Variants in IGF2BP2 observed in about 807,000 individuals in gnomAD.
IGF2BP2 encodes insulin like growth factor 2 mRNA binding protein 2.
In IGF2BP2, 17 loss-of-function variants were observed where a neutral mutation model predicts 75.8. The observed-to-expected ratio is 0.22, with a 90% CI of 0.15 to 0.34. The LOEUF (loss-of-function observed/expected upper bound fraction) is 0.34. Ranked by LOEUF, IGF2BP2 falls within the 10% of genes least tolerant of loss-of-function variation. The pLI is 1.00. For synonymous variants in IGF2BP2, 288 were observed against 295.6 expected (o/e 0.97, Z 0.26); for missense variants, 516 against 772.4 (o/e 0.67, Z 3.93).
At position 185,662,780 on chromosome 3, in the gene IGF2BP2, T is replaced by A. The variant is rs112294639; in HGVS notation, c.1201-4371A>T. On this transcript the variant is annotated intron_variant, in intron 10 of 15. Transcript: ENST00000382199. ...CTGGTCTCAAACTCCTGACCTCAGG[T>A]GATCCTCCCACCACGGCCTCCCAAA... Among the ~76,000 whole-genome samples, 371 of 152,134 alleles carry A rather than the reference T, an allele frequency of 2.4e-3. 3 individuals carry two copies. Among genetic ancestry groups the A allele is most frequent in the African/African-American group, 8.6e-3 (357 of 41,526 alleles).
intron 2 of IGF2BP2, chr3:185,716,489 A>T (rs1464411976): frequency 1.9e-6 from 1 of 520,118 alleles, no homozygotes; most frequent in East Asian, 5.4e-5. Context: ...TCTGCTAACA[A>T]TAAAAAGAAC....
intron 7 of IGF2BP2, 82 bp from the exon 8 acceptor site, chr3:185,675,995 A>G: frequency 6.5e-7 from 1 of 1,535,022 alleles, no homozygotes; most frequent in Non-Finnish European, 8.8e-7. Context: ...CTTTTTTCTT[A>G]TAAATGGAAG....
At chr3:185,810,242 T>TA (rs1244739359) in intron 2 of IGF2BP2, among the ~76,000 whole-genome samples, 1 of 152,200 alleles carries the variant, frequency 6.6e-6, no homozygotes, top group Non-Finnish European at 1.5e-5. Context: ...TTTTGTTTTA[T>TA]AAAAAGGTCC....
Position 185,675,485 on chromosome 3 carries a change from C to G in IGF2BP2, c.936-54G>C. On this transcript the variant is annotated intron_variant, in intron 8 of 15. Coordinates refer to ENST00000382199, the MANE Select transcript of IGF2BP2 (RefSeq NM_006548.6). Reference sequence around the variant, plus strand: ...TGTTTTCAACGGGAAAAATAAAATGCCCAAAAAATAAAAAAATCACAAACA... The same window carrying G: ...TGTTTTCAACGGGAAAAATAAAATGGCCAAAAAATAAAAAAATCACAAACA... The G allele has an allele frequency of 5.7e-6, 9 of 1,577,856 alleles. No individual in the cohort carries two copies. In the South Asian group the frequency reaches 9.4e-5, roughly 16 times the overall value.
intron 2 of IGF2BP2, among the ~76,000 whole-genome samples, chr3:185,773,237 C>T (rs1469612790): frequency 6.6e-6 from 1 of 152,206 alleles, no homozygotes; most frequent in Admixed American, 6.5e-5. Flanking sequence ...AGCCATTTAC[C>T]TGCTCTGTGT....
At chr3:185,750,040 C>T (rs1730759089) in intron 2 of IGF2BP2, among the ~76,000 whole-genome samples, 1 of 152,152 alleles carries the variant, frequency 6.6e-6, no homozygotes, top group Non-Finnish European at 1.5e-5. Flanking sequence ...TTAAGAAGTC[C>T]CTGGAAGACT....
At chr3:185,818,743 A>G (rs1387330785) in intron 2 of IGF2BP2, among the ~76,000 whole-genome samples, 1 of 152,222 alleles carries the variant, frequency 6.6e-6, no homozygotes, top group Non-Finnish European at 1.5e-5. Flanking sequence ...GAAAAGCTTG[A>G]AAGTATCAAA....
intron 4 of IGF2BP2, among the ~76,000 whole-genome samples, chr3:185,693,926 T>C (rs933894709): frequency 1.0e-3 from 152 of 152,340 alleles, no homozygotes; most frequent in African/African-American, 3.6e-3. Flanking sequence ...TCCAAAATGA[T>C]TCAAACTTGT....
At chr3:185,671,160 T>C (rs930864940) in intron 10 of IGF2BP2, among the ~76,000 whole-genome samples, 1 of 152,178 alleles carries the variant, frequency 6.6e-6, no homozygotes, top group Non-Finnish European at 1.5e-5. Context: ...TACTGCATCT[T>C]CAGGCTACTC....
At chr3:185,652,379 C>G (rs1461204626) in intron 12 of IGF2BP2, among the ~76,000 whole-genome samples, 1 of 152,124 alleles carries the variant, frequency 6.6e-6, no homozygotes, top group Non-Finnish European at 1.5e-5. Context: ...TTTTGGCCAC[C>G]CAGGGACAGT....
intron 12 of IGF2BP2, among the ~76,000 whole-genome samples, chr3:185,654,688 G>A (rs973345740): frequency 2.6e-5 from 4 of 152,200 alleles, no homozygotes; most frequent in African/African-American, 9.7e-5. Flanking sequence ...GCAGGAATGA[G>A]GACCCCATCT....
chr3:185,797,678 C>A (rs532857582), intron 2 of IGF2BP2, among the ~76,000 whole-genome samples: 1 of 151,746 alleles, frequency 6.6e-6, no homozygotes, highest in Non-Finnish European at 1.5e-5. Flanking sequence ...CCAATGCAGG[C>A]GGATCAGCTG....
intron 2 of IGF2BP2, among the ~76,000 whole-genome samples, chr3:185,770,022 G>C (rs1284233032): frequency 1.3e-5 from 2 of 151,886 alleles, no homozygotes; most frequent in Non-Finnish European, 2.9e-5. Context: ...CCAAAGTTCG[G>C]CCCCTGGGGA....
intron 8 of IGF2BP2, 72 bp downstream of exon 8, chr3:185,675,719 G>T: frequency 6.6e-7 from 1 of 1,522,380 alleles, no homozygotes; most frequent in Non-Finnish European, 8.9e-7. Context: ...AAAAGTAGAT[G>T]AATGAACTAG....
At chr3:185,759,558 TTC>T (rs1332859748) in intron 2 of IGF2BP2, among the ~76,000 whole-genome samples, 2 of 152,216 alleles carry the variant, frequency 1.3e-5, no homozygotes, top group Admixed American at 1.3e-4. Flanking sequence ...GAGTCCAGCA[TTC>T]TCTGCCTTTC....
chr3:185,759,671 T>G (rs1437400234), intron 2 of IGF2BP2, among the ~76,000 whole-genome samples: 14 of 152,218 alleles, frequency 9.2e-5, no homozygotes, highest in Non-Finnish European at 1.8e-4. Context: ...TAGAATTTCA[T>G]GCTTACTTAT....
chr3:185,791,141 C>T (rs1476480897), intron 2 of IGF2BP2, among the ~76,000 whole-genome samples: 1 of 152,212 alleles, frequency 6.6e-6, no homozygotes, highest in African/African-American at 2.4e-5. Context: ...AGGGTAGGCA[C>T]TGGAACTGTA....
At chr3:185,686,188 A>G (rs545629623) in intron 7 of IGF2BP2, among the ~76,000 whole-genome samples, 3 of 152,280 alleles carry the variant, frequency 2.0e-5, no homozygotes, top group African/African-American at 7.2e-5. Flanking sequence ...GTTCGAGACT[A>G]GCCTGGCCAA....
intron 2 of IGF2BP2, among the ~76,000 whole-genome samples, chr3:185,785,187 G>T (rs1289918622): frequency 2.6e-5 from 4 of 151,566 alleles, no homozygotes; most frequent in African/African-American, 9.7e-5. Flanking sequence ...TGTAATCCCA[G>T]CTACTCGGGA....
Sources: allele counts gnomAD v4.1 joint callset (sites outside exome capture counted in the v4.1 genomes callset), GRCh38; gene constraint gnomAD v4.1.1; transcripts MANE v1.5; gene names NCBI Gene and HGNC (gene_info 2026-07-23, HGNC 2026-07-21).